CLCN6: variants seen among roughly 807,000 people sequenced by gnomAD.
The protein encoded by CLCN6 is H(+)/Cl(-) exchange transporter 6.
A neutral mutation model predicts 109.8 loss-of-function variants in CLCN6; 70 were observed. The observed-to-expected ratio is 0.64, with a 90% CI of 0.53 to 0.78. CLCN6 has a LOEUF of 0.78. CLCN6 is among the 30% of genes least tolerant of loss of function. The pLI is 0.00. For synonymous variants in CLCN6, 444 were observed against 447.8 expected (o/e 0.99, Z 0.11); for missense variants, 984 against 1,142.3 (o/e 0.86, Z 2.00).
At chr1:11,816,804 A>G in intron 4 of CLCN6, 124 bp downstream of exon 4, 1 of 598,170 alleles carries the variant, frequency 1.7e-6, no homozygotes. Flanking sequence ...ATAATGCAAT[A>G]ACACTTGTCA....
At chr1:11,828,338 C>A in intron 11 of CLCN6, 119 bp downstream of exon 11, 1 of 1,421,312 alleles carries the variant, frequency 7.0e-7, no homozygotes, top group Non-Finnish European at 9.9e-7. Context: ...CACATCTCAC[C>A]CATTAGCCTC....
At chr1:11,827,590 C>T (rs555618506) in intron 10 of CLCN6, among the ~76,000 whole-genome samples, 3 of 132,236 alleles carry the variant, frequency 2.3e-5, no homozygotes, top group South Asian at 2.5e-4. Flanking sequence ...CACGTGCCAC[C>T]GCATCCAGCT....
intron 9 of CLCN6, among the ~76,000 whole-genome samples, chr1:11,826,820 G>C (rs910909691): frequency 6.6e-6 from 1 of 152,176 alleles, no homozygotes; most frequent in African/African-American, 2.4e-5. Context: ...TGGGGGCTGA[G>C]ATTCTGAGAT....
At chr1:11,833,421 T>G (rs772358428) in intron 13 of CLCN6, 94 bp from the exon 14 acceptor site, 72 of 1,267,986 alleles carry the variant, frequency 5.7e-5, no homozygotes, top group Non-Finnish European at 7.5e-5. Context: ...GGGAAAGCTG[T>G]GCAGCCACCT....
chr1:11,822,805 A>G lies in CLCN6; in HGVS notation c.453+4A>G. On this transcript the variant is annotated splice_donor_region_variant and intron_variant, in intron 6 of 22. Coordinates refer to ENST00000346436, the MANE Select transcript of CLCN6 (RefSeq NM_001286.5). ...AAGCCTCCTTGTTCTCATTGAGGTG[A>G]GGTGGTTTGGATTCACCTGCTCGCT... 6.2e-7 allele frequency: 1 copy of G among 1,602,050 alleles called. No individual in the cohort carries two copies. Among genetic ancestry groups the G allele is most frequent in the Non-Finnish European group, 8.6e-7 (1 of 1,169,058 alleles).
Position 11,806,363 on chromosome 1 carries a change from G to C in CLCN6, c.87+14G>C, listed in dbSNP as rs755062572. ...CCCGAGGAGCTGGTAAGAAGCCGGC[G>C]GAGTCGGCCTGGGGAGGGGGCGGTT... On this transcript the variant is annotated intron_variant, in intron 1 of 22. Coordinates refer to ENST00000346436, the MANE Select transcript of CLCN6 (RefSeq NM_001286.5). The C allele has an allele frequency of 2.0e-6, 3 of 1,508,258 alleles. No individual in the cohort carries two copies. Among genetic ancestry groups the C allele is most frequent in the Non-Finnish European group, 2.6e-6 (3 of 1,140,326 alleles). The allele number at this position is 1,508,258 out of a possible 1,614,324, so 93.4% of individuals were successfully genotyped here. A position where few individuals can be genotyped will look rare whatever the true frequency, so the allele number is the denominator to read the frequency against.
Position 11,834,944 on chromosome 1 carries a change from T to C in CLCN6, c.1793+354T>C, listed in dbSNP as rs1644926088. Among the ~76,000 whole-genome samples the C allele has an allele frequency of 6.6e-6, 1 of 152,218 alleles. No individual in the cohort carries two copies. ...AGGAGTGAGAATAGCCTGTTTCACA[T>C]GTGCCCACCAGAATGCCCTACTGCC... On this transcript the variant is annotated intron_variant, in intron 17 of 22. Transcript: ENST00000346436. This position sits in a 1 kb window ranked among gnomAD's most constrained non-coding sequence, Gnocchi z 4.5.
chr1:11,807,278 G>A, intron 2 of CLCN6, 88 bp downstream of exon 2: 3 of 1,187,030 alleles, frequency 2.5e-6, no homozygotes, highest in Non-Finnish European at 3.8e-6. Flanking sequence ...AACCAGAGAT[G>A]CTCTTTGACC....
In CLCN6 at chr1:11,841,549, A is replaced by G. The variant is rs528484846; in HGVS notation, c.*1326A>G. The G allele has an allele frequency of 1.3e-5, 2 of 152,400 alleles. No homozygotes were observed. The highest frequency in any genetic ancestry group is 2.9e-5 in the Non-Finnish European group (2 of 68,060). The allele number at this position is 152,400 out of a possible 1,614,324, so 9.4% of individuals were successfully genotyped here. The stretch of plus-strand genomic sequence containing the variant: ...CTACATGGTATTAGTCCCAGCAGGC[A>G]TCCCTGGGGCAGACGTGCTTTGGCT... On this transcript the variant is annotated 3_prime_UTR_variant, in exon 23 of 23. Coordinates refer to ENST00000346436, the MANE Select transcript of CLCN6 (RefSeq NM_001286.5).
At chr1:11,813,764 T>C (rs945597469) in intron 2 of CLCN6, among the ~76,000 whole-genome samples, 38 of 152,178 alleles carry the variant, frequency 2.5e-4, no homozygotes, top group Admixed American at 2.0e-3. Context: ...GAAACAAATA[T>C]CTCCTTAAGC....
chr1:11,838,718 T>C (rs1644982529), intron 22 of CLCN6, 58 bp downstream of exon 22: 1 of 1,612,258 alleles, frequency 6.2e-7, no homozygotes, highest in Non-Finnish European at 8.5e-7. Flanking sequence ...AGCCAGGTGC[T>C]GTTTGTGCAC....
intron 5 of CLCN6, 63 bp downstream of exon 5, chr1:11,819,617 T>A: frequency 7.0e-7 from 1 of 1,432,696 alleles, no homozygotes; most frequent in Non-Finnish European, 9.9e-7. Context: ...CTTTCTTACA[T>A]AGAAATGGGT....
chr1:11,842,903 G>A lies in CLCN6; in HGVS notation c.*2680G>A, dbSNP rs1645043033. The A allele has an allele frequency of 6.6e-6, 1 of 152,294 alleles. No individual in the cohort carries two copies. The highest frequency in any genetic ancestry group is 1.5e-5 in the Non-Finnish European group (1 of 68,058). The allele number at this position is 152,294 out of a possible 1,614,324, so 9.4% of individuals were successfully genotyped here. A position where few individuals can be genotyped will look rare whatever the true frequency, so the allele number is the denominator to read the frequency against. The stretch of plus-strand genomic sequence containing the variant: ...CCAAGGTGGCCTCGCCAGCCCTGCA[G>A]TATTGATGTGCAGTATTGCACCACA... On this transcript the variant is annotated 3_prime_UTR_variant, in exon 23 of 23. Transcript: ENST00000346436.
At chr1:11,808,227 TTG>T (rs3073085) in intron 2 of CLCN6, among the ~76,000 whole-genome samples, 10,790 of 139,058 alleles carry the variant, frequency 0.078, 398 homozygotes, top group Admixed American at 0.1. Flanking sequence ...GTGTGTGTGT[TTG>T]TGTGTGTGTG....
chr1:11,838,913 C>G (rs761834263), intron 22 of CLCN6: 2 of 719,814 alleles, frequency 2.8e-6, no homozygotes, highest in East Asian at 2.7e-5. Flanking sequence ...GCTGTGTCTT[C>G]CTCCTGAAAT....
Position 11,834,199 on chromosome 1 carries a change from G to T in CLCN6, c.1527-37G>T. On this transcript the variant is annotated intron_variant, in intron 15 of 22. Coordinates refer to ENST00000346436, the MANE Select transcript of CLCN6 (RefSeq NM_001286.5). The surrounding 1 kb of genome is among the most constrained non-coding windows in gnomAD (Gnocchi z 4.5). The stretch of plus-strand genomic sequence containing the variant: ...GGTCCTCCCCACAGCCTATCAGTGT[G>T]GTTCAAAGCCATGTTCTCGGTGTTT... 6.2e-7 allele frequency: 1 copy of T among 1,602,178 alleles called. No individual in the cohort carries two copies.
rs1644786861 is a variant in CLCN6, at chr1:11,824,502, G to C, written c.597G>C (p.Lys199Asn). 6.2e-7 allele frequency: 1 copy of C among 1,613,598 alleles called. No individual in the cohort carries two copies. The highest frequency in any genetic ancestry group is 1.3e-5 in the African/African-American group (1 of 74,898). Residue 199 changes from lysine (K) to asparagine (N), a missense_variant, in exon 8 of 23, where the codon AAG becomes AAC. Coordinates refer to ENST00000346436, the MANE Select transcript of CLCN6 (RefSeq NM_001286.5). Reference protein sequence around the residue: ...FSVAGGLFVEKEGPMIHSGSV... With the variant: ...FSVAGGLFVENEGPMIHSGSV... ...CCTGCCCAGGGCTCTTCGTGGAGAA[G>C]GAAGGCCCCATGATCCACAGTGGTT...
At chr1:11,836,958 G>A (rs372938789) in intron 18 of CLCN6, 41 bp from the exon 19 acceptor site, 110 of 1,599,946 alleles carry the variant, frequency 6.9e-5, no homozygotes, top group Non-Finnish European at 8.7e-5. Flanking sequence ...TGCTGTGTTC[G>A]TTTGCCCATG....
At chr1:11,829,712 G>A (rs1370751347) in intron 13 of CLCN6, 1 of 164,696 alleles carries the variant, frequency 6.1e-6, no homozygotes, top group Non-Finnish European at 1.3e-5. Context: ...CATCACAGAG[G>A]GGAACCTGGG....
Sources: allele counts gnomAD v4.1 joint callset (sites outside exome capture counted in the v4.1 genomes callset), GRCh38; gene constraint gnomAD v4.1.1; non-coding constraint Gnocchi (gnomAD v3.1); transcripts MANE v1.5; gene names NCBI Gene and HGNC (gene_info 2026-07-23, HGNC 2026-07-21).